Variants in RBFOX1 observed in about 807,000 individuals in gnomAD.
RBFOX1 encodes RNA binding fox-1 homolog 1, also known as RNA binding protein fox-1 homolog 1.
A neutral mutation model predicts 57.7 loss-of-function variants in RBFOX1; 8 were observed. That is an observed-to-expected ratio of 0.14 (90% confidence interval 0.08 to 0.25). RBFOX1 has a LOEUF of 0.25. RBFOX1 is among the 10% of genes least tolerant of loss of function. The pLI is 1.00. For missense variants in RBFOX1, 611 were observed against 548.5 expected, an observed-to-expected ratio of 1.11 and a Z score of -1.14; for synonymous variants, 326 against 222.4, an observed-to-expected ratio of 1.47 and a Z score of -4.15.
intron 3 of RBFOX1, among the ~76,000 whole-genome samples, chr16:7,031,776 GAGA>G (rs1163772622): frequency 6.6e-6 from 1 of 152,136 alleles, no homozygotes. Context: ...ACCCACTGCA[GAGA>G]AGATGCAGAT....
At chr16:6,622,601 G>C (rs1446637196) in intron 2 of RBFOX1, among the ~76,000 whole-genome samples, 8 of 152,126 alleles carry the variant, frequency 5.3e-5, no homozygotes, top group Non-Finnish European at 1.0e-4. Flanking sequence ...AGCAACATTT[G>C]TGGTTTATTG....
chr16:6,359,772 C>T (rs1035639607), intron 2 of RBFOX1, among the ~76,000 whole-genome samples: 5 of 151,968 alleles, frequency 3.3e-5, no homozygotes, highest in Admixed American at 6.6e-5. Context: ...TATACACAGC[C>T]GACTTACTGT....
At chr16:6,693,295 C>T (rs1353123692) in intron 3 of RBFOX1, among the ~76,000 whole-genome samples, 1 of 151,584 alleles carries the variant, frequency 6.6e-6, no homozygotes, top group Non-Finnish European at 1.5e-5. Context: ...TTAGCAACAT[C>T]ATCTTCCTCC....
intron 1 of RBFOX1, among the ~76,000 whole-genome samples, chr16:5,271,361 G>GCATA (rs1567261740): frequency 7.9e-6 from 1 of 125,998 alleles, no homozygotes; most frequent in African/African-American, 2.9e-5. Context: ...TGTCTCTTAT[G>GCATA]CATACATACA....
intron 3 of RBFOX1, among the ~76,000 whole-genome samples, chr16:6,945,277 G>A (rs941161899): frequency 1.3e-5 from 2 of 152,218 alleles, no homozygotes; most frequent in Non-Finnish European, 2.9e-5. Context: ...CTGTTAGCGT[G>A]TTATGATGGT....
chr16:7,355,763 C>A (rs971592080), intron 4 of RBFOX1, among the ~76,000 whole-genome samples: 1 of 152,172 alleles, frequency 6.6e-6, no homozygotes, highest in Non-Finnish European at 1.5e-5. Flanking sequence ...CAGTTTCTTG[C>A]ATCTGTGCTC....
At chr16:5,702,325 A>G (rs1030614499) in intron 3 of RBFOX1, among the ~76,000 whole-genome samples, 1 of 152,162 alleles carries the variant, frequency 6.6e-6, no homozygotes, top group African/African-American at 2.4e-5. Flanking sequence ...CTTTTAAACC[A>G]TCAGATCTCG....
intron 3 of RBFOX1, among the ~76,000 whole-genome samples, chr16:6,709,598 A>G (rs1229640651): frequency 6.6e-6 from 1 of 152,186 alleles, no homozygotes; most frequent in Non-Finnish European, 1.5e-5. Context: ...TTGTGCATTT[A>G]CATGAATCTC....
intron 3 of RBFOX1, among the ~76,000 whole-genome samples, chr16:7,029,845 G>C (rs1385175462): frequency 2.6e-5 from 4 of 152,128 alleles, no homozygotes; most frequent in Non-Finnish European, 5.9e-5. Flanking sequence ...GAAGATGAAA[G>C]AATGATAACT....
chr16:5,805,481 A>G (rs373862797), intron 3 of RBFOX1, among the ~76,000 whole-genome samples: 3 of 152,304 alleles, frequency 2.0e-5, no homozygotes, highest in African/African-American at 4.8e-5. Context: ...AGGGTTGGAG[A>G]TCCAAAATGT....
At chr16:5,688,117 C>G (rs909232298) in intron 3 of RBFOX1, among the ~76,000 whole-genome samples, 5 of 152,172 alleles carry the variant, frequency 3.3e-5, no homozygotes, top group Non-Finnish European at 7.3e-5. Context: ...TTATTATACT[C>G]TTGTAGTTCT....
intron 1 of RBFOX1, among the ~76,000 whole-genome samples, chr16:6,309,189 G>A (rs150863076): frequency 7.9e-4 from 120 of 152,138 alleles, no homozygotes; most frequent in African/African-American, 2.7e-3. Context: ...CTGGAGTTCA[G>A]CTTCCCTTTT....
At chr16:6,968,098 A>C (rs1259641811) in intron 3 of RBFOX1, among the ~76,000 whole-genome samples, 1 of 151,938 alleles carries the variant, frequency 6.6e-6, no homozygotes, top group Non-Finnish European at 1.5e-5. Context: ...ACTGGAATGG[A>C]TCTGTGGCTC....
chr16:6,609,013 G>A (rs1393286708), intron 2 of RBFOX1, among the ~76,000 whole-genome samples: 1 of 152,142 alleles, frequency 6.6e-6, no homozygotes, highest in Non-Finnish European at 1.5e-5. Flanking sequence ...AGGTCACTCT[G>A]ACCTGACCCT....
chr16:7,003,112 C>T (rs980546275), intron 3 of RBFOX1, among the ~76,000 whole-genome samples: 1 of 151,782 alleles, frequency 6.6e-6, no homozygotes, highest in South Asian at 2.1e-4. Flanking sequence ...CTTGCAGGAG[C>T]ATTGCGTAAA....
intron 3 of RBFOX1, among the ~76,000 whole-genome samples, chr16:6,927,015 C>T (rs745851582): frequency 6.6e-6 from 1 of 152,100 alleles, no homozygotes; most frequent in South Asian, 2.1e-4. Context: ...GCTACTCAAC[C>T]AGCGATTACT....
intron 3 of RBFOX1, among the ~76,000 whole-genome samples, chr16:6,995,528 G>T (rs1596398527): frequency 6.6e-6 from 1 of 152,110 alleles, no homozygotes; most frequent in African/African-American, 2.4e-5. Flanking sequence ...ACTTTGGGAG[G>T]CCAAGGAGGG....
At chr16:6,785,853 C>T (rs181333315) in intron 3 of RBFOX1, among the ~76,000 whole-genome samples, 93 of 140,084 alleles carry the variant, frequency 6.6e-4, no homozygotes, top group Non-Finnish European at 1.2e-3. Flanking sequence ...ACTCAAAGTC[C>T]ATTAGACTCT....
chr16:7,320,919 C>T (rs986714311), intron 4 of RBFOX1, among the ~76,000 whole-genome samples: 1 of 152,128 alleles, frequency 6.6e-6, no homozygotes, highest in Non-Finnish European at 1.5e-5. Flanking sequence ...GAAAAACAGC[C>T]AGGGATTTTC....
Sources: allele counts gnomAD v4.1 joint callset (sites outside exome capture counted in the v4.1 genomes callset), GRCh38; gene constraint gnomAD v4.1.1; transcripts MANE v1.5; gene names NCBI Gene and HGNC (gene_info 2026-07-23, HGNC 2026-07-21).